FAM83F: variants seen among roughly 807,000 people sequenced by gnomAD.
FAM83F encodes protein FAM83F.
FAM83F carries 45 observed loss-of-function variants against 42.9 expected under a neutral mutation model. The ratio of observed to expected loss-of-function variants is 1.05; its 90% CI spans 0.83 to 1.35. FAM83F has a LOEUF of 1.35. FAM83F is among the 40% of genes most tolerant of loss of function. FAM83F has a pLI of 0.00. For synonymous variants in FAM83F, 306 were observed against 298.3 expected (o/e 1.03, Z -0.27); for missense variants, 617 against 695.9 (o/e 0.89, Z 1.28).
chr22:40,007,594 TCTCCTC>T (rs1349752960), intron 1 of FAM83F, among the ~76,000 whole-genome samples: 9 of 47,072 alleles, frequency 1.9e-4, no homozygotes, highest in African/African-American at 6.8e-4. Flanking sequence ...CCTCCTCTCT[TCTCCTC>T]CTCCTCTCTT....
In FAM83F at chr22:40,041,229, C is replaced by A. The variant is rs1172968985; in HGVS notation, c.*11664C>A. On this transcript the variant is annotated 3_prime_UTR_variant, in exon 5 of 5. Transcript: ENST00000333407. ...CACAGCGCTCCAAGAACATAGTGCA[C>A]TTGGCCTGCATACAAGTGTGCAGGG... 6.6e-6 allele frequency: 1 copy of A among 152,202 alleles called. No individual in the cohort carries two copies. Among genetic ancestry groups the A allele is most frequent in the Non-Finnish European group, 1.5e-5 (1 of 68,050 alleles). The allele number at this position is 152,202 out of a possible 1,614,324, so 9.4% of individuals were successfully genotyped here.
intron 4 of FAM83F, among the ~76,000 whole-genome samples, chr22:40,029,281 C>A (rs1004667559): frequency 6.6e-6 from 1 of 152,164 alleles, no homozygotes; most frequent in Admixed American, 6.5e-5. Flanking sequence ...ATGGCTGTCA[C>A]CTTGATGTCC....
chr22:40,016,406 C>T (rs1249794939), intron 1 of FAM83F, among the ~76,000 whole-genome samples: 2 of 151,750 alleles, frequency 1.3e-5, no homozygotes, highest in African/African-American at 4.8e-5. Flanking sequence ...GCCATGTTGC[C>T]CAGGTGGGTC....
intron 4 of FAM83F, among the ~76,000 whole-genome samples, chr22:40,024,993 A>G (rs890428608): frequency 6.6e-6 from 1 of 152,078 alleles, no homozygotes; most frequent in Non-Finnish European, 1.5e-5. Flanking sequence ...CGCCTCTTCT[A>G]CGTCTTCCCT....
rs557400076 is a variant in FAM83F, at chr22:39,995,005, GGGGCCGGGGCCA to G, written c.-26_-15del. The G allele has an allele frequency of 6.0e-5, 74 of 1,232,966 alleles. No homozygotes were observed. The highest frequency in any genetic ancestry group is 3.1e-4 in the Middle Eastern group (1 of 3,238). The allele number at this position is 1,232,966 out of a possible 1,614,324, so 76.4% of individuals were successfully genotyped here. The stretch of plus-strand genomic sequence containing the variant: ...CGGCTGTGGGACCTCGGACCGCGGC[GGGGCCGGGGCCA>G]GGGCCGGGGCCGGGGCCGGGGCGCC... On this transcript the variant is annotated 5_prime_UTR_variant, in exon 1 of 5. Transcript: ENST00000333407. This position sits in a 1 kb window ranked among gnomAD's most constrained non-coding sequence, Gnocchi z 4.6.
At chr22:40,007,383 C>T (rs1451271479) in intron 1 of FAM83F, among the ~76,000 whole-genome samples, 1 of 79,746 alleles carries the variant, frequency 1.3e-5, no homozygotes, top group African/African-American at 5.0e-5. Context: ...TCTCCTCCTC[C>T]TCTCCTCTTC....
At chr22:40,026,934 G>A (rs1352402363) in intron 4 of FAM83F, among the ~76,000 whole-genome samples, 2 of 152,158 alleles carry the variant, frequency 1.3e-5, no homozygotes, top group African/African-American at 4.8e-5. Flanking sequence ...TATTACTGTT[G>A]TTACTAGGAT....
In FAM83F at chr22:40,023,664, G is replaced by C. The variant is rs184808971; in HGVS notation, c.1453+1701G>C. Among the ~76,000 whole-genome samples the C allele has an allele frequency of 1.3e-5, 2 of 152,032 alleles. No individual in the cohort carries two copies. Among genetic ancestry groups the C allele is most frequent in the East Asian group, 3.9e-4 (2 of 5,164 alleles). On this transcript the variant is annotated intron_variant, in intron 4 of 4. Coordinates refer to ENST00000333407, the MANE Select transcript of FAM83F (RefSeq NM_138435.4). The surrounding 1 kb of genome is among the most constrained non-coding windows in gnomAD (Gnocchi z 4.1). Reference sequence around the variant, plus strand: ...CTCCCACATCTCGGGTGGTCACGGCGGCCCTGCCCCTGCTGCCGCTCTCTG... The same window carrying C: ...CTCCCACATCTCGGGTGGTCACGGCCGCCCTGCCCCTGCTGCCGCTCTCTG...
intron 4 of FAM83F, among the ~76,000 whole-genome samples, chr22:40,024,946 TC>T (rs2067543079): frequency 6.6e-6 from 1 of 152,266 alleles, no homozygotes; most frequent in Admixed American, 6.5e-5. Context: ...CCCAGCGGTT[TC>T]AAGGCTCACG....
intron 1 of FAM83F, among the ~76,000 whole-genome samples, chr22:39,998,408 G>C (rs1223367732): frequency 6.6e-6 from 1 of 152,132 alleles, no homozygotes; most frequent in Non-Finnish European, 1.5e-5. Context: ...GGTTCAGAAG[G>C]AGTTGCCCGT....
chr22:40,013,656 C>G (rs930135768), intron 1 of FAM83F, among the ~76,000 whole-genome samples: 1 of 152,226 alleles, frequency 6.6e-6, no homozygotes, highest in South Asian at 2.1e-4. Flanking sequence ...TTATATCTTA[C>G]AAGTATTTGA....
intron 1 of FAM83F, among the ~76,000 whole-genome samples, chr22:39,996,802 C>A (rs867559165): frequency 6.6e-6 from 1 of 152,152 alleles, no homozygotes; most frequent in Non-Finnish European, 1.5e-5. Flanking sequence ...CATTTCTACC[C>A]TCCCTCTCTA....
At position 39,995,199 on chromosome 22, in the gene FAM83F, G is replaced by A; in HGVS notation, c.157G>A (p.Glu53Lys). 6.5e-7 allele frequency: 1 copy of A among 1,527,450 alleles called. No individual in the cohort carries two copies. The highest frequency in any genetic ancestry group is 8.7e-7 in the Non-Finnish European group (1 of 1,143,348). 94.6% of individuals were successfully genotyped at this position (1,527,450 alleles called of 1,614,324 possible). The change falls in exon 1 of 5, where the codon GAG becomes AAG. Residue 53 changes from glutamate (E) to lysine (K), a missense_variant. Physicochemically the swap from Glu to Lys is moderately conservative, Grantham distance 56. Transcript: ENST00000333407. The surrounding 1 kb of genome is among the most constrained non-coding windows in gnomAD (Gnocchi z 4.6). ...EQAYRERLKE[E>K]QLRDFLSSPE... ...GGCCTACCGCGAGCGGCTCAAGGAGGAGCAGCTGCGGGACTTCCTCTCCAG... is the reference window on the plus strand; with the variant it reads ...GGCCTACCGCGAGCGGCTCAAGGAGAAGCAGCTGCGGGACTTCCTCTCCAG...
Position 40,014,131 on chromosome 22 carries a change from C to CTTTTTTTTTTTTTTT in FAM83F, c.490-5034_490-5020dup, listed in dbSNP as rs57224519. ...AATCCTTATGTCTCTTATTTCTTTT[C>CTTTTTTTTTTTTTTT]TTTTTTTTTTTTTTTTTGTCTTATT... is the stretch of plus-strand genomic sequence containing the variant. On this transcript the variant is annotated intron_variant, in intron 1 of 4. Transcript: ENST00000333407. Among the ~76,000 whole-genome samples the CTTTTTTTTTTTTTTT allele has an allele frequency of 5.5e-3, 647 of 116,766 alleles. 5 individuals are homozygous for CTTTTTTTTTTTTTTT. The highest frequency in any genetic ancestry group is 6.5e-3 in the Non-Finnish European group (382 of 58,902). The allele number at this position is 116,766 out of a possible 152,430, so 76.6% of individuals were successfully genotyped here. A position where few individuals can be genotyped will look rare whatever the true frequency, so the allele number is the denominator to read the frequency against.
Position 40,029,638 on chromosome 22 carries a change from G to T in FAM83F, c.*73G>T. 15 of 1,560,676 alleles carry T rather than the reference G, an allele frequency of 9.6e-6. No homozygotes were observed. Among genetic ancestry groups the T allele is most frequent in the Non-Finnish European group, 1.3e-5 (15 of 1,151,716 alleles). On this transcript the variant is annotated 3_prime_UTR_variant, in exon 5 of 5. Coordinates refer to ENST00000333407, the MANE Select transcript of FAM83F (RefSeq NM_138435.4). ...CCCTGTGCTGTGGAGAGCGCAGGTC[G>T]CACACTGCACCAGTTTGCACATCAG...
At chr22:40,005,544 C>T (rs750411363) in intron 1 of FAM83F, among the ~76,000 whole-genome samples, 5 of 152,256 alleles carry the variant, frequency 3.3e-5, no homozygotes, top group Non-Finnish European at 7.3e-5. Context: ...ATTAGCTGGC[C>T]TTGCTCACAT....
At chr22:40,016,201 T>TTG (rs564392103) in intron 1 of FAM83F, among the ~76,000 whole-genome samples, 41,486 of 151,694 alleles carry the variant, frequency 0.27, 5,873 homozygotes, top group South Asian at 0.42. Context: ...TGTTGTTGTT[T>TTG]TTTTATTTTT....
chr22:40,013,769 T>C (rs770977561), intron 1 of FAM83F, among the ~76,000 whole-genome samples: 1 of 152,180 alleles, frequency 6.6e-6, no homozygotes, highest in Non-Finnish European at 1.5e-5. Flanking sequence ...TATCTTTTCA[T>C]GATTTATTGC....
intron 1 of FAM83F, among the ~76,000 whole-genome samples, chr22:40,006,420 C>T (rs1263545124): frequency 1.3e-5 from 2 of 152,198 alleles, no homozygotes; most frequent in African/African-American, 4.8e-5. Flanking sequence ...GGGAGACACC[C>T]TCATGTGCCT....
Sources: gnomAD v4.1 joint callset for allele counts (sites outside exome capture counted in the v4.1 genomes callset) on GRCh38, gnomAD v4.1.1 for gene constraint, Gnocchi (gnomAD v3.1) non-coding constraint, MANE v1.5 for transcripts, NCBI Gene and HGNC (gene_info 2026-07-23, HGNC 2026-07-21) for gene names.